The following EPHA6 variants were observed in gnomAD, a reference collection of about 807,000 sequenced individuals.
EPHA6 encodes the protein ephrin type-A receptor 6.
A neutral mutation model predicts 112.0 loss-of-function variants in EPHA6; 50 were observed. The observed-to-expected ratio is 0.45, with a 90% CI of 0.36 to 0.56. EPHA6 has a LOEUF of 0.56. EPHA6 is among the 20% of genes least tolerant of loss of function. The pLI, the probability that EPHA6 is intolerant of heterozygous loss-of-function variation, is 0.00. For missense variants in EPHA6, 1,280 were observed against 1,417.4 expected (o/e 0.90, Z 1.56); for synonymous variants, 529 against 490.7 (o/e 1.08, Z -1.03).
At chr3:96,890,444 T>G (rs972668061) in intron 2 of EPHA6, among the ~76,000 whole-genome samples, 1 of 152,106 alleles carries the variant, frequency 6.6e-6, no homozygotes, top group African/African-American at 2.4e-5. Context: ...CATTAAAACT[T>G]GAAGATTAGA....
intron 3 of EPHA6, among the ~76,000 whole-genome samples, chr3:97,022,969 G>A (rs1398790343): frequency 1.3e-5 from 2 of 152,072 alleles, no homozygotes; most frequent in South Asian, 2.1e-4. Context: ...TCATCAAATA[G>A]GAGGACAAGT....
chr3:97,186,218 A>T (rs1359648407), intron 3 of EPHA6, among the ~76,000 whole-genome samples: 1 of 152,060 alleles, frequency 6.6e-6, no homozygotes, highest in Non-Finnish European at 1.5e-5. Flanking sequence ...ATAATAAAAA[A>T]AAATGTCATC....
In EPHA6 at chr3:97,244,086, G is replaced by T; in HGVS notation, c.1405G>T (p.Asp469Tyr). ...TGTAATCTGTAAGAAATGTGGCTTA[G>T]ACACCAGCCAGTGTGAGGACTGTGG... Reference protein sequence around the residue: ...YSVICKKCGLDTSQCEDCGGG... With the variant: ...YSVICKKCGLYTSQCEDCGGG... The change falls in exon 5 of 18, where the codon GAC (aspartate) becomes TAC (tyrosine). Residue 469 changes from aspartate (D) to tyrosine (Y), a missense_variant. Asp to Tyr is a radical substitution (Grantham distance 160). Coordinates refer to ENST00000389672, the MANE Select transcript of EPHA6 (RefSeq NM_001080448.3). 6.2e-7 allele frequency: 1 copy of T among 1,612,948 alleles called. No individual in the cohort carries two copies. The highest frequency in any genetic ancestry group is 8.5e-7 in the Non-Finnish European group (1 of 1,179,310).
rs556979190 is a variant in EPHA6 at position 97,719,260 on chromosome 3, A to G, written c.2785-1001A>G. Among the ~76,000 whole-genome samples the G allele has an allele frequency of 4.5e-3, 686 of 152,222 alleles. 9 individuals carry two copies. Among genetic ancestry groups the G allele is most frequent in the African/African-American group, 0.016 (660 of 41,538 alleles). On this transcript the variant is annotated intron_variant, in intron 14 of 17. Coordinates refer to ENST00000389672, the MANE Select transcript of EPHA6 (RefSeq NM_001080448.3). ...CAGTGGGTGATCAGATTATGTGATCATGATCATGGACAATGTTGAAACAAT... is the reference window on the plus strand; with the variant it reads ...CAGTGGGTGATCAGATTATGTGATCGTGATCATGGACAATGTTGAAACAAT...
chr3:96,814,879 G>T lies in EPHA6; in HGVS notation c.256G>T (p.Glu86Ter). The T allele has an allele frequency of 6.4e-7, 1 of 1,555,608 alleles. No homozygotes were observed. Among genetic ancestry groups the T allele is most frequent in the Non-Finnish European group, 8.7e-7 (1 of 1,149,012 alleles). Residue 86 changes from glutamate (E) to a stop codon, truncating the protein, a stop_gained, in exon 1 of 18, where the codon GAG becomes TAG. Transcript: ENST00000389672. LOFTEE classifies it high-confidence loss of function. ...GCGCTGCCGCCACTTCTCTTTAAGG[G>T]AGAGGAAAAGAGAGCCTAGGAGAAC... Reference protein sequence around the residue: ...CLRCRHFSLRERKREPRRTMG... With the variant: ...CLRCRHFSLR
intron 3 of EPHA6, among the ~76,000 whole-genome samples, chr3:97,097,780 C>T (rs1344849766): frequency 6.6e-6 from 1 of 151,690 alleles, no homozygotes; most frequent in Non-Finnish European, 1.5e-5. Flanking sequence ...AGAAATGCTT[C>T]CTGGTATTTT....
intron 12 of EPHA6, among the ~76,000 whole-genome samples, chr3:97,597,964 C>T (rs531813596): frequency 2.0e-5 from 3 of 152,100 alleles, no homozygotes; most frequent in South Asian, 2.1e-4. Context: ...GAGAAATGTA[C>T]ACTAAGCTAA....
chr3:96,873,996 G>T (rs1454015996), intron 2 of EPHA6, among the ~76,000 whole-genome samples: 1 of 152,030 alleles, frequency 6.6e-6, no homozygotes, highest in African/African-American at 2.4e-5. Context: ...ACCTACCCAT[G>T]GTTGTGATGA....
chr3:97,720,217 A>G, intron 14 of EPHA6, 44 bp from the exon 15 acceptor site: 1 of 1,469,968 alleles, frequency 6.8e-7, no homozygotes, highest in East Asian at 2.5e-5. Context: ...TTTGTTTTTA[A>G]TACAACGATA....
At chr3:97,026,958 A>G (rs748887071) in intron 3 of EPHA6, among the ~76,000 whole-genome samples, 5 of 152,220 alleles carry the variant, frequency 3.3e-5, no homozygotes, top group Non-Finnish European at 7.3e-5. Flanking sequence ...AAAGGAATAT[A>G]AATCATTCTA....
intron 2 of EPHA6, among the ~76,000 whole-genome samples, chr3:96,888,564 T>G (rs2037769845): frequency 6.6e-6 from 1 of 152,196 alleles, no homozygotes; most frequent in Non-Finnish European, 1.5e-5. Flanking sequence ...GCTTGCATCC[T>G]CTGAAGCCAC....
intron 11 of EPHA6, among the ~76,000 whole-genome samples, chr3:97,578,925 G>A (rs1032628015): frequency 6.6e-6 from 1 of 152,084 alleles, no homozygotes; most frequent in Non-Finnish European, 1.5e-5. Flanking sequence ...ATGAATGCTT[G>A]CCCTTATGCA....
chr3:96,903,415 C>T (rs1184216963), intron 2 of EPHA6, among the ~76,000 whole-genome samples: 1 of 152,060 alleles, frequency 6.6e-6, no homozygotes, highest in African/African-American at 2.4e-5. Flanking sequence ...GAAAATCACC[C>T]TTAAAATGTG....
chr3:97,435,964 G>A (rs2089811552), intron 6 of EPHA6, among the ~76,000 whole-genome samples: 1 of 152,124 alleles, frequency 6.6e-6, no homozygotes, highest in South Asian at 2.1e-4. Flanking sequence ...AAAACCTTTT[G>A]TGTGCGAAGG....
intron 11 of EPHA6, among the ~76,000 whole-genome samples, chr3:97,570,285 G>A (rs563184245): frequency 4.6e-5 from 7 of 152,272 alleles, no homozygotes; most frequent in African/African-American, 1.7e-4. Flanking sequence ...AATTGGAACA[G>A]GCTAGAAGAC....
intron 4 of EPHA6, among the ~76,000 whole-genome samples, chr3:97,234,375 C>G (rs1183368549): frequency 6.6e-6 from 1 of 152,096 alleles, no homozygotes; most frequent in Non-Finnish European, 1.5e-5. Flanking sequence ...TTGGAAAAAT[C>G]ATCGTCATTG....
At chr3:97,020,242 A>G (rs1213856011) in intron 3 of EPHA6, among the ~76,000 whole-genome samples, 1 of 152,228 alleles carries the variant, frequency 6.6e-6, no homozygotes, top group Non-Finnish European at 1.5e-5. Context: ...TGTGCAGGCT[A>G]GTTCAGATGA....
intron 6 of EPHA6, among the ~76,000 whole-genome samples, chr3:97,419,314 C>T (rs1348362632): frequency 1.4e-5 from 2 of 144,202 alleles, no homozygotes; most frequent in Non-Finnish European, 3.0e-5. Flanking sequence ...AAAAAACAAA[C>T]AAACAAACAA....
rs550164444 is a variant in EPHA6, at chr3:96,850,812, C to A, written c.386-16013C>A. 8.2e-4 allele frequency among the ~76,000 whole-genome samples: 125 copies of A among 152,032 alleles called. 1 individual carries two copies. The highest frequency in any genetic ancestry group is 2.9e-3 in the African/African-American group (119 of 41,476). On this transcript the variant is annotated intron_variant, in intron 1 of 17. Transcript: ENST00000389672. Reference sequence around the variant, plus strand: ...AAGAAGGCATGGAAAATTAATGTTACTATCAGATTTCATTGGAAGATGGGA... The same window carrying A: ...AAGAAGGCATGGAAAATTAATGTTAATATCAGATTTCATTGGAAGATGGGA...
Sources: allele counts gnomAD v4.1 joint callset (sites outside exome capture counted in the v4.1 genomes callset), GRCh38; gene constraint gnomAD v4.1.1; transcripts MANE v1.5; gene names NCBI Gene and HGNC (gene_info 2026-07-23, HGNC 2026-07-21).